ADGRV1: variants seen among roughly 807,000 people sequenced by gnomAD.
ADGRV1 encodes the protein G-protein coupled receptor 98.
Under a neutral mutation model 596.2 loss-of-function variants are expected in ADGRV1, and 359 were observed. That is an observed-to-expected ratio of 0.60 (90% CI 0.55 to 0.66). The LOEUF (loss-of-function observed/expected upper bound fraction) is 0.66, where lower values mean the gene tolerates loss of function less well. Ranked by LOEUF, ADGRV1 falls within the 30% of genes least tolerant of loss-of-function variation. The probability of loss-of-function intolerance (pLI) is 0.00; values close to 1 mark genes in which losing one functional copy is unlikely to be tolerated. For synonymous variants in ADGRV1, 2,681 were observed against 2,679.2 expected (o/e 1.00, Z -0.02); for missense variants, 7,274 against 7,575.6 (o/e 0.96, Z 1.48).
At chr5:90,730,025 C>A (rs2030272) in intron 50 of ADGRV1, among the ~76,000 whole-genome samples, 1 of 151,994 alleles carries the variant, frequency 6.6e-6, no homozygotes, top group Non-Finnish European at 1.5e-5. Context: ...GCCACCATGT[C>A]TGGCTAATTT....
chr5:91,071,892 G>A (rs748649950), intron 85 of ADGRV1, among the ~76,000 whole-genome samples: 6 of 152,060 alleles, frequency 3.9e-5, no homozygotes, highest in Non-Finnish European at 8.8e-5. Context: ...GGCCAGGCTA[G>A]TCTCGAACTC....
rs538225155 is a variant in ADGRV1, at chr5:90,706,344, A to G, written c.8680A>G (p.Ile2894Val). ...TTTTGTCCCTATCATTGGCTTTCTG[A>G]TTTTAGAAGAAGGGGAAACAGCAGC... The part of the protein sequence containing the change: ...VDFVPIIGFL[I>V]LEEGETAAAI... The change falls in exon 38 of 90, where the codon ATT (isoleucine) becomes GTT (valine). Residue 2894 changes from isoleucine to valine, a missense_variant. Transcript: ENST00000405460. The G allele has an allele frequency of 6.2e-7, 1 of 1,612,680 alleles. No individual in the cohort carries two copies. Among genetic ancestry groups the G allele is most frequent in the East Asian group, 2.2e-5 (1 of 44,814 alleles).
intron 83 of ADGRV1, among the ~76,000 whole-genome samples, chr5:90,947,797 T>C (rs1366285247): frequency 6.6e-6 from 1 of 152,186 alleles, no homozygotes; most frequent in African/African-American, 2.4e-5. Flanking sequence ...AGAATCCACA[T>C]GTCCTATCTC....
chr5:91,017,073 C>T (rs550151043), intron 85 of ADGRV1, among the ~76,000 whole-genome samples: 2 of 152,050 alleles, frequency 1.3e-5, no homozygotes, highest in East Asian at 3.9e-4. Context: ...AGAATTGACA[C>T]ACATTTCAAA....
intron 83 of ADGRV1, among the ~76,000 whole-genome samples, chr5:90,928,304 C>T (rs1257201069): frequency 2.0e-5 from 3 of 152,126 alleles, no homozygotes; most frequent in Non-Finnish European, 1.5e-5. Flanking sequence ...CACATAGTCT[C>T]ATATTTCTTG....
chr5:90,778,034 A>C lies in ADGRV1; in HGVS notation c.12657A>C (p.Val4219=), dbSNP rs981310722. 2 of 1,567,058 alleles carry C rather than the reference A, an allele frequency of 1.3e-6. No individual in the cohort carries two copies. The highest frequency in any genetic ancestry group is 1.7e-6 in the Non-Finnish European group (2 of 1,154,258). The change falls in exon 62 of 90, where the codon GTA becomes GTC. Residue 4219 remains valine, a synonymous_variant. Coordinates refer to ENST00000405460, the MANE Select transcript of ADGRV1 (RefSeq NM_032119.4). ...TMRDEQSAVI[V]VIQALNDDIP... is the part of the protein sequence containing the mutation. ...GAGACGAACAGTCTGCAGTCATTGT[A>C]GTAATACAGGTATCAATATTAGCTG...
At position 90,755,162 on chromosome 5, in the gene ADGRV1, C is replaced by A; in HGVS notation, c.11557C>A (p.His3853Asn). Residue 3853 changes from histidine to asparagine, a missense_variant, in exon 55 of 90, where the codon CAT (histidine) becomes AAT (asparagine). Transcript: ENST00000405460. ...AATGAAAGAAAACATAAAAGAAGCT[C>A]ATGCCGAAGTTTCCATTTTGCCGGT... ...IIMKENIKEA[H>N]AEVSILPDDL... is the part of the protein sequence containing the mutation. 1 of 1,603,700 alleles carries A rather than the reference C, an allele frequency of 6.2e-7. No homozygotes were observed. Among genetic ancestry groups the A allele is most frequent in the South Asian group, 1.1e-5 (1 of 89,594 alleles).
At chr5:90,607,064 G>A (rs1374166465) in intron 1 of ADGRV1, among the ~76,000 whole-genome samples, 1 of 152,090 alleles carries the variant, frequency 6.6e-6, no homozygotes, top group Non-Finnish European at 1.5e-5. Context: ...CTTTAATATA[G>A]CACTTTACAG....
chr5:90,767,461 A>G (rs1757262732), intron 59 of ADGRV1, among the ~76,000 whole-genome samples: 1 of 152,206 alleles, frequency 6.6e-6, no homozygotes, highest in Admixed American at 6.5e-5. Context: ...AAAAGAGAAA[A>G]TATTGAAAAT....
intron 85 of ADGRV1, among the ~76,000 whole-genome samples, chr5:91,017,388 T>C (rs1783260900): frequency 6.6e-6 from 1 of 151,876 alleles, no homozygotes; most frequent in South Asian, 2.1e-4. Context: ...AATGTACCAG[T>C]GGATCTGTGG....
At chr5:91,013,853 T>G (rs1482996937) in intron 85 of ADGRV1, among the ~76,000 whole-genome samples, 1 of 151,990 alleles carries the variant, frequency 6.6e-6, no homozygotes, top group Non-Finnish European at 1.5e-5. Flanking sequence ...TTACATTAAG[T>G]TTTTAATTCA....
chr5:90,991,891 TAGAG>T (rs1349478742), intron 85 of ADGRV1, among the ~76,000 whole-genome samples: 2 of 152,332 alleles, frequency 1.3e-5, no homozygotes, highest in African/African-American at 2.4e-5. Flanking sequence ...AAAAGTTTGT[TAGAG>T]AGCACATTTA....
intron 87 of ADGRV1, among the ~76,000 whole-genome samples, chr5:91,130,412 C>T (rs7706095): frequency 0.011 from 1,587 of 147,266 alleles, 37 homozygotes; most frequent in African/African-American, 0.038. Flanking sequence ...GGCAGCTCTA[C>T]TTGGGAGGCT....
chr5:91,129,673 C>T (rs187840332), intron 87 of ADGRV1, among the ~76,000 whole-genome samples: 1 of 152,226 alleles, frequency 6.6e-6, no homozygotes, highest in African/African-American at 2.4e-5. Context: ...GTGATATACT[C>T]CAAGAGGAGA....
At chr5:91,137,680 T>C (rs921592342) in intron 87 of ADGRV1, among the ~76,000 whole-genome samples, 16 of 152,220 alleles carry the variant, frequency 1.1e-4, no homozygotes, top group Admixed American at 7.9e-4. Flanking sequence ...CACTTTACTG[T>C]TTTCCTGTTC....
intron 83 of ADGRV1, among the ~76,000 whole-genome samples, chr5:90,877,943 G>A (rs1769375750): frequency 6.6e-6 from 1 of 152,050 alleles, no homozygotes; most frequent in Non-Finnish European, 1.5e-5. Flanking sequence ...AATAAATCGT[G>A]TGTATAGTTT....
chr5:90,853,917 G>C, intron 80 of ADGRV1, 145 bp from the exon 81 acceptor site: 1 of 650,616 alleles, frequency 1.5e-6, no homozygotes, highest in South Asian at 2.0e-5. Context: ...CAGATGTCCT[G>C]CATGCATAAG....
At chr5:90,719,764 A>G (rs1280252175) in intron 43 of ADGRV1, among the ~76,000 whole-genome samples, 1 of 152,240 alleles carries the variant, frequency 6.6e-6, no homozygotes, top group Admixed American at 6.5e-5. Flanking sequence ...CAAAAAGTTC[A>G]CAAAAATGAA....
intron 21 of ADGRV1, among the ~76,000 whole-genome samples, chr5:90,671,121 G>A (rs190482408): frequency 6.6e-6 from 1 of 152,316 alleles, no homozygotes; most frequent in East Asian, 1.9e-4. Flanking sequence ...TTCTTGGAAG[G>A]TTGAAGTATT....
Sources: gnomAD v4.1 joint callset for allele counts (sites outside exome capture counted in the v4.1 genomes callset) on GRCh38, gnomAD v4.1.1 for gene constraint, MANE v1.5 for transcripts, NCBI Gene and HGNC (gene_info 2026-07-23, HGNC 2026-07-21) for gene names.